BIN2: variants seen among roughly 807,000 people sequenced by gnomAD.
The protein encoded by BIN2 is bridging integrator 2, also known as breast cancer associated protein BRAP1.
BIN2 carries 43 observed loss-of-function variants against 67.9 expected under a neutral mutation model. The observed-to-expected ratio is 0.63, with a 90% CI of 0.50 to 0.82. BIN2 has a LOEUF of 0.82. Ranked by LOEUF, BIN2 falls within the 40% of genes least tolerant of loss-of-function variation. The pLI is 0.00. For missense variants in BIN2, 581 were observed against 671.6 expected, an observed-to-expected ratio of 0.87 and a Z score of 1.49; for synonymous variants, 244 against 246.8, an observed-to-expected ratio of 0.99 and a Z score of 0.11.
chr12:51,302,568 T>C (rs1028327564), intron 4 of BIN2, 118 bp downstream of exon 4: 2 of 844,970 alleles, frequency 2.4e-6, no homozygotes, highest in Non-Finnish European at 1.9e-6. Context: ...GCTACACAAA[T>C]GCACAGTGTG....
At chr12:51,309,935 T>G (rs1945955140) in intron 2 of BIN2, among the ~76,000 whole-genome samples, 2 of 152,288 alleles carry the variant, frequency 1.3e-5, no homozygotes, top group South Asian at 2.1e-4. Context: ...ATTTTTCTTC[T>G]TTTCAACCTG....
At position 51,317,151 on chromosome 12, in the gene BIN2, C is replaced by T. The variant is rs1023078808; in HGVS notation, c.82-3248G>A. ...TCAGCCTCCCAAAGTGCTGGGATTA[C>T]AGGTGTGAGCCACTGTGCCCGGCCT... On this transcript the variant is annotated intron_variant, in intron 1 of 12. Transcript: ENST00000615107. 5.4e-4 allele frequency among the ~76,000 whole-genome samples: 82 copies of T among 152,220 alleles called. 1 individual carries two copies. Among genetic ancestry groups the T allele is most frequent in the African/African-American group, 1.9e-3 (77 of 41,558 alleles).
chr12:51,287,271 A>G (rs1212683380), intron 11 of BIN2, among the ~76,000 whole-genome samples: 1 of 152,006 alleles, frequency 6.6e-6, no homozygotes, highest in Non-Finnish European at 1.5e-5. Context: ...CCGCCTCAGC[A>G]TCCTGAGTAG....
chr12:51,324,603 A>T, upstream of BIN2: 6 of 1,404,184 alleles, frequency 4.3e-6, no homozygotes, highest in Non-Finnish European at 5.7e-6. Context: ...CTAAGCCTGG[A>T]ACTGGTAGGG....
intron 1 of BIN2, among the ~76,000 whole-genome samples, chr12:51,319,266 T>G (rs1946207559): frequency 6.6e-6 from 1 of 151,982 alleles, no homozygotes; most frequent in African/African-American, 2.4e-5. Flanking sequence ...GAGTGTGGGG[T>G]CGGGGGTTGG....
In BIN2 at chr12:51,297,306, C is replaced by G. The variant is rs140864171; in HGVS notation, c.603-142G>C. On this transcript the variant is annotated intron_variant, in intron 7 of 12. Transcript: ENST00000615107. ...CCATCCCGCTGGGCACAGTGGCTCA[C>G]GCCTGTAATCCCAGCACTTTGGGAG... is the stretch of plus-strand genomic sequence containing the variant. 10 of 705,986 alleles carry G rather than the reference C, an allele frequency of 1.4e-5. No homozygotes were observed. The East Asian group carries it at 2.9e-4, about 20-fold the overall frequency. 43.7% of individuals were successfully genotyped at this position (705,986 alleles called of 1,614,324 possible).
chr12:51,301,500 C>A (rs76614024), intron 5 of BIN2, among the ~76,000 whole-genome samples: 3 of 151,906 alleles, frequency 2.0e-5, no homozygotes, highest in Admixed American at 2.0e-4. Context: ...TTACTGAAAT[C>A]TAAGTTTATT....
intron 2 of BIN2, among the ~76,000 whole-genome samples, chr12:51,306,977 G>C (rs1945878461): frequency 6.6e-6 from 1 of 152,094 alleles, no homozygotes; most frequent in South Asian, 2.1e-4. Flanking sequence ...AAAAAGTTTT[G>C]GGGATTATAA....
intron 2 of BIN2, among the ~76,000 whole-genome samples, chr12:51,312,868 T>C (rs958347925): frequency 1.3e-5 from 2 of 152,188 alleles, no homozygotes; most frequent in South Asian, 2.1e-4. Flanking sequence ...CTGAATTAGA[T>C]GATAGCTAAT....
At position 51,302,699 on chromosome 12, in the gene BIN2, T is replaced by C; in HGVS notation, c.299A>G (p.Lys100Arg). The C allele has an allele frequency of 1.9e-6, 3 of 1,613,932 alleles. No individual in the cohort carries two copies. Among genetic ancestry groups the C allele is most frequent in the Non-Finnish European group, 2.5e-6 (3 of 1,179,822 alleles). ...SSEWDGHEEL[K>R]AIVWNNDLLW... ...AGCCACTCTTACCCATACGATGGCC[T>C]TCAGCTCCTCATGACCGTCCCACTC... The change falls in exon 4 of 13, where the codon AAG becomes AGG. Residue 100 changes from lysine (K) to arginine (R), a missense_variant. Transcript: ENST00000615107.
At chr12:51,306,477 A>G (rs986257225) in intron 2 of BIN2, among the ~76,000 whole-genome samples, 1 of 152,170 alleles carries the variant, frequency 6.6e-6, no homozygotes, top group African/African-American at 2.4e-5. Context: ...AGATACAAAA[A>G]TTAGCCAGGT....
chr12:51,320,295 C>T (rs1489064970), intron 1 of BIN2, among the ~76,000 whole-genome samples: 1 of 152,202 alleles, frequency 6.6e-6, no homozygotes, highest in Non-Finnish European at 1.5e-5. Context: ...GTTGGGATTA[C>T]AGGCATGAGC....
At chr12:51,324,235 GC>G (rs1198634243), upstream of BIN2, 6 of 1,453,212 alleles carry the variant, frequency 4.1e-6, no homozygotes, top group Admixed American at 1.1e-4. Flanking sequence ...GCCGCCCCTG[GC>G]CAGCCCTGAG....
intron 9 of BIN2, among the ~76,000 whole-genome samples, chr12:51,295,562 CAAAAAA>C (rs779588765): frequency 6.7e-4 from 8 of 11,886 alleles, no homozygotes; most frequent in South Asian, 3.2e-3. Context: ...GACTCCGTCT[CAAAAAA>C]AAAAAAAAAA....
At chr12:51,308,414 C>T (rs1185883679) in intron 2 of BIN2, among the ~76,000 whole-genome samples, 1 of 152,156 alleles carries the variant, frequency 6.6e-6, no homozygotes, top group Non-Finnish European at 1.5e-5. Flanking sequence ...ACAGTCCCAA[C>T]CCTCAGTTAA....
Position 51,310,251 on chromosome 12 carries a change from G to A in BIN2, c.162+3572C>T, listed in dbSNP as rs550243577. On this transcript the variant is annotated intron_variant, in intron 2 of 12. Transcript: ENST00000615107. Reference sequence around the variant, plus strand: ...TAGGAACATATTAGACAATATCATGGGAATTCAATCAGCAAAATATACACT... The same window carrying A: ...TAGGAACATATTAGACAATATCATGAGAATTCAATCAGCAAAATATACACT... Among the ~76,000 whole-genome samples, 7 of 152,178 alleles carry A rather than the reference G, an allele frequency of 4.6e-5. No individual in the cohort carries two copies. In the South Asian group the frequency reaches 1.0e-3, roughly 23 times the overall value.
At chr12:51,291,529 T>G in intron 10 of BIN2, 62 bp downstream of exon 10, 3 of 1,479,902 alleles carry the variant, frequency 2.0e-6, no homozygotes, top group South Asian at 1.4e-5. Context: ...GACGCCTGAG[T>G]GAGACCCTAG....
At chr12:51,324,346 G>A, upstream of BIN2, 1 of 1,318,574 alleles carries the variant, frequency 7.6e-7, no homozygotes, top group Non-Finnish European at 1.0e-6. Flanking sequence ...GCCAGCTTCC[G>A]AGCTCCAACC....
chr12:51,324,134 C>T lies in BIN2; in HGVS notation c.-32G>A, dbSNP rs1946370597. 2 of 1,609,530 alleles carry T rather than the reference C, an allele frequency of 1.2e-6. No homozygotes were observed. Among genetic ancestry groups the T allele is most frequent in the East Asian group, 2.2e-5 (1 of 44,702 alleles). On this transcript the variant is annotated 5_prime_UTR_variant, in exon 1 of 13. Transcript: ENST00000615107. ...AACTCCCTGGGGGCCGCCGCCCTGGCCCCGCGCCCTGTGGTTTTCTGAGGC... is the reference window on the plus strand; with the variant it reads ...AACTCCCTGGGGGCCGCCGCCCTGGTCCCGCGCCCTGTGGTTTTCTGAGGC...
Sources: gnomAD v4.1 joint callset for allele counts (sites outside exome capture counted in the v4.1 genomes callset) on GRCh38, gnomAD v4.1.1 for gene constraint, MANE v1.5 for transcripts, NCBI Gene and HGNC (gene_info 2026-07-23, HGNC 2026-07-21) for gene names.